Variants in ANKRD36 observed in about 807,000 individuals in gnomAD.
ANKRD36 encodes ankyrin repeat domain-containing protein 36A.
In ANKRD36, 179 loss-of-function variants were observed where a neutral mutation model predicts 278.1. That is an observed-to-expected ratio of 0.64 (90% CI 0.57 to 0.73). The LOEUF (loss-of-function observed/expected upper bound fraction) is 0.73, where lower values mean the gene tolerates loss of function less well. Among genes scored for constraint, ANKRD36 ranks in the 30% least tolerant of loss-of-function variants. ANKRD36 has a pLI of 0.00. For missense variants in ANKRD36, 1,159 were observed against 1,956.7 expected (o/e 0.59, Z 7.69); for synonymous variants, 320 against 641.1 (o/e 0.50, Z 7.57).
intron 22 of ANKRD36, among the ~76,000 whole-genome samples, chr2:97,177,538 C>T (rs1412525116): frequency 6.6e-6 from 1 of 151,724 alleles, no homozygotes; most frequent in Non-Finnish European, 1.5e-5. Context: ...TCTACAGCTA[C>T]CTGATCTTTG....
intron 36 of ANKRD36, among the ~76,000 whole-genome samples, chr2:97,191,708 C>T (rs2058555630): frequency 6.6e-6 from 1 of 151,630 alleles, no homozygotes; most frequent in Admixed American, 6.6e-5. Flanking sequence ...CTGAGGAAAC[C>T]TGAGTGAACT....
In ANKRD36 at chr2:97,210,207, A is replaced by T. The variant is rs1431262239; in HGVS notation, c.3367+335A>T. 2.6e-5 allele frequency among the ~76,000 whole-genome samples: 4 copies of T among 151,828 alleles called. No homozygotes were observed. In the East Asian group the frequency reaches 7.9e-4, roughly 30 times the overall value. ...GGAAGGATAAAGAGAGGAAGTATAG[A>T]TTTTACAGACGTCACATCGTACTGC... On this transcript the variant is annotated intron_variant, in intron 56 of 75. Coordinates refer to ENST00000420699, the MANE Select transcript of ANKRD36 (RefSeq NM_001354587.1).
At chr2:97,185,651 C>T (rs1484671651) in intron 30 of ANKRD36, 141 bp downstream of exon 30, 2 of 1,115,432 alleles carry the variant, frequency 1.8e-6, no homozygotes, top group African/African-American at 3.1e-5. Flanking sequence ...GTAATAAGTT[C>T]TCGGGTGATG....
Position 97,262,789 on chromosome 2 carries a change from C to T in ANKRD36, c.*7-1540C>T, listed in dbSNP as rs528735728. Reference sequence around the variant, plus strand: ...TGTGGCACCTCTCCCGTCTCTTCTACCTCTCTAGCCATGTGTGTCATACCC... The same window carrying T: ...TGTGGCACCTCTCCCGTCTCTTCTATCTCTCTAGCCATGTGTGTCATACCC... On this transcript the variant is annotated intron_variant, in intron 75 of 75. Transcript: ENST00000420699. Among the ~76,000 whole-genome samples the T allele has an allele frequency of 9.8e-4, 128 of 130,758 alleles. 25 individuals carry two copies. Among genetic ancestry groups the T allele is most frequent in the African/African-American group, 3.9e-3 (123 of 31,848 alleles). The allele number at this position is 130,758 out of a possible 152,430, so 85.8% of individuals were successfully genotyped here. A position where few individuals can be genotyped will look rare whatever the true frequency, so the allele number is the denominator to read the frequency against.
chr2:97,135,433 G>A (rs1291779531), intron 6 of ANKRD36, among the ~76,000 whole-genome samples: 1 of 152,012 alleles, frequency 6.6e-6, no homozygotes, highest in African/African-American at 2.4e-5. Flanking sequence ...ACAATATACT[G>A]TAGTAAAAGT....
At chr2:97,227,754 A>G (rs2070383627) in intron 67 of ANKRD36, among the ~76,000 whole-genome samples, 1 of 152,116 alleles carries the variant, frequency 6.6e-6, no homozygotes, top group Non-Finnish European at 1.5e-5. Context: ...CCCATTCAGT[A>G]TGATATTGGC....
At chr2:97,176,507 G>C (rs1028330100) in intron 22 of ANKRD36, among the ~76,000 whole-genome samples, 1 of 146,954 alleles carries the variant, frequency 6.8e-6, no homozygotes, top group Non-Finnish European at 1.5e-5. Flanking sequence ...TTTATTTTGA[G>C]TCTATGTGTG....
At chr2:97,212,978 T>C (rs2065068883) in intron 58 of ANKRD36, 1 of 332,532 alleles carries the variant, frequency 3.0e-6, no homozygotes, top group Non-Finnish European at 5.5e-6. Flanking sequence ...TTCTCAGTTA[T>C]TGGGCAAGTT....
At position 97,213,496 on chromosome 2, in the gene ANKRD36, G is replaced by T. The variant is rs2065203903; in HGVS notation, c.3499-46G>T. On this transcript the variant is annotated intron_variant, in intron 59 of 75. Transcript: ENST00000420699. ...GTGAACTATTAACTGTGTGGTCTAT[G>T]AAACATAGTTTATGTATTGATTATT... 5.4e-6 allele frequency: 3 copies of T among 556,876 alleles called. No individual in the cohort carries two copies. The African/African-American group carries it at 8.4e-5, about 16-fold the overall frequency. 34.5% of individuals were successfully genotyped at this position (556,876 alleles called of 1,614,324 possible).
At chr2:97,216,434 C>T (rs1486722886) in intron 62 of ANKRD36, among the ~76,000 whole-genome samples, 1 of 152,036 alleles carries the variant, frequency 6.6e-6, no homozygotes, top group Non-Finnish European at 1.5e-5. Context: ...ATATCTAACG[C>T]TTGTAGCAGT....
Position 97,142,807 on chromosome 2 carries a change from A to G in ANKRD36, c.873A>G (p.Glu291=). Residue 291 remains glutamate, a synonymous_variant, in exon 8 of 76, where the codon GAA becomes GAG. Coordinates refer to ENST00000420699, the MANE Select transcript of ANKRD36 (RefSeq NM_001354587.1). ...ATTCTATTTCAAATATAGCCACAGA[A>G]ATAAAGGATGGACAAAAATCTGGGA... The part of the protein sequence containing the change: ...KEDSISNIAT[E]IKDGQKSGTV... The G allele has an allele frequency of 6.4e-7, 1 of 1,568,516 alleles. No homozygotes were observed. Among genetic ancestry groups the G allele is most frequent in the Non-Finnish European group, 8.6e-7 (1 of 1,156,796 alleles).
intron 6 of ANKRD36, among the ~76,000 whole-genome samples, chr2:97,128,834 C>T (rs955449260): frequency 6.6e-6 from 1 of 152,094 alleles, no homozygotes; most frequent in Admixed American, 6.6e-5. Context: ...CTGGAACCAG[C>T]TTGTCCAAAG....
chr2:97,113,163 G>A lies in ANKRD36; in HGVS notation c.-577G>A. Among the ~76,000 whole-genome samples the A allele has an allele frequency of 6.6e-6, 1 of 152,080 alleles. No homozygotes were observed. The highest frequency in any genetic ancestry group is 1.5e-5 in the Non-Finnish European group (1 of 67,984). On this transcript the variant is annotated 5_prime_UTR_variant, in exon 1 of 76. Transcript: ENST00000420699. ...GCCCCGCCAGCCCCCGCCGGAGCCC[G>A]AGCTGCAGTGCCGCCTACAAGTGGT...
chr2:97,133,816 A>T (rs1174381430), intron 6 of ANKRD36, among the ~76,000 whole-genome samples: 2 of 151,942 alleles, frequency 1.3e-5, no homozygotes, highest in Non-Finnish European at 2.9e-5. Context: ...ACCTAAAGAG[A>T]TTTTTCATAT....
At chr2:97,184,252 C>A (rs1183764119) in intron 28 of ANKRD36, among the ~76,000 whole-genome samples, 2 of 151,686 alleles carry the variant, frequency 1.3e-5, no homozygotes, top group Non-Finnish European at 1.5e-5. Flanking sequence ...TCTGACTGCT[C>A]CGATGACTAC....
At chr2:97,123,952 C>CGTATTT (rs1553540649) in intron 4 of ANKRD36, among the ~76,000 whole-genome samples, 14 of 79,514 alleles carry the variant, frequency 1.8e-4, no homozygotes, top group African/African-American at 4.3e-4. Context: ...TATTATCCTC[C>CGTATTT]ATATTTATAT....
chr2:97,195,207 A>G (rs2059438603), intron 40 of ANKRD36, among the ~76,000 whole-genome samples: 1 of 152,000 alleles, frequency 6.6e-6, no homozygotes, highest in South Asian at 2.1e-4. Context: ...ATTCGGTAGC[A>G]TCTTTTCATT....
intron 56 of ANKRD36, among the ~76,000 whole-genome samples, chr2:97,210,234 A>G (rs1397677394): frequency 3.3e-5 from 5 of 151,860 alleles, no homozygotes; most frequent in Middle Eastern, 3.2e-3. Context: ...TCGTACTGCT[A>G]AAAACAGACA....
chr2:97,164,539 T>G, intron 20 of ANKRD36, 70 bp downstream of exon 20: 2 of 1,480,814 alleles, frequency 1.4e-6, no homozygotes, highest in South Asian at 1.2e-5. Context: ...CATAGTTTTT[T>G]GATTCCCACT....
Sources: allele counts gnomAD v4.1 joint callset (sites outside exome capture counted in the v4.1 genomes callset), GRCh38; gene constraint gnomAD v4.1.1; transcripts MANE v1.5; gene names NCBI Gene and HGNC (gene_info 2026-07-23, HGNC 2026-07-21).